The following NXPE2 variants were observed in gnomAD, a reference collection of about 807,000 sequenced individuals.
NXPE2 encodes the protein neurexophilin and PC-esterase domain family member 2.
In NXPE2, 34 loss-of-function variants were observed where a neutral mutation model predicts 34.4. The ratio of observed to expected loss-of-function variants is 0.99; its 90% CI spans 0.75 to 1.31. The LOEUF (loss-of-function observed/expected upper bound fraction) is 1.31, where lower values mean the gene tolerates loss of function less well. Ranked by LOEUF, NXPE2 falls within the 40% of genes most tolerant of loss-of-function variation. NXPE2 has a pLI of 0.00. For missense variants in NXPE2, 649 were observed against 672.5 expected (o/e 0.97, Z 0.39); for synonymous variants, 235 against 231.3 (o/e 1.02, Z -0.15).
the NXPE2 span, among the ~76,000 whole-genome samples, chr11:114,811,520 A>T: frequency 1.3e-5 from 2 of 152,120 alleles, no homozygotes; most frequent in African/African-American, 4.8e-5. Flanking sequence ...TGGTGAGAAA[A>T]ATCCAAGCAT....
the NXPE2 span, among the ~76,000 whole-genome samples, chr11:114,799,885 CTTTTCTCTTTCTCT>C: frequency 2.6e-5 from 4 of 151,970 alleles, no homozygotes; most frequent in African/African-American, 9.7e-5. Context: ...CCCTTTCTTC[CTTTTCTCTTTCTCT>C]TTATCCTTCC....
At chr11:114,547,248 T>G in the NXPE2 span, among the ~76,000 whole-genome samples, 2 of 152,308 alleles carry the variant, frequency 1.3e-5, no homozygotes, top group South Asian at 4.1e-4. Flanking sequence ...CATGCATCCT[T>G]GATGTGATGT....
chr11:114,519,172 T>C, the NXPE2 span, among the ~76,000 whole-genome samples: 1 of 152,162 alleles, frequency 6.6e-6, no homozygotes, highest in Non-Finnish European at 1.5e-5. Flanking sequence ...TGGATAACCA[T>C]TTTTCAAATT....
the NXPE2 span, among the ~76,000 whole-genome samples, chr11:114,487,807 C>G: frequency 6.7e-6 from 1 of 148,820 alleles, no homozygotes; most frequent in South Asian, 2.1e-4. Flanking sequence ...TGATATATCA[C>G]ATTGATTTGC....
chr11:114,737,263 T>C, the NXPE2 span, among the ~76,000 whole-genome samples: 1 of 152,182 alleles, frequency 6.6e-6, no homozygotes, highest in African/African-American at 2.4e-5. Context: ...ATCCCATTTC[T>C]ACTGACATCT....
the NXPE2 span, among the ~76,000 whole-genome samples, chr11:114,607,050 G>A: frequency 6.6e-6 from 1 of 151,958 alleles, no homozygotes; most frequent in African/African-American, 2.4e-5. Flanking sequence ...AATAAGTATT[G>A]CCTCGTGGGT....
At chr11:114,468,684 G>A in the NXPE2 span, among the ~76,000 whole-genome samples, 3 of 152,162 alleles carry the variant, frequency 2.0e-5, no homozygotes, top group African/African-American at 7.2e-5. Flanking sequence ...GCACAGGTTA[G>A]TCCCCACAAC....
chr11:114,719,823 C>G, the NXPE2 span, among the ~76,000 whole-genome samples: 2 of 152,080 alleles, frequency 1.3e-5, no homozygotes, highest in Non-Finnish European at 2.9e-5. Flanking sequence ...GGCTAGTGTA[C>G]AGGGCCCCTG....
chr11:114,712,268 A>G, the NXPE2 span, among the ~76,000 whole-genome samples: 1 of 152,168 alleles, frequency 6.6e-6, no homozygotes, highest in Non-Finnish European at 1.5e-5. Context: ...CAAGGCAACA[A>G]AATAAAAAAA....
chr11:114,770,331 C>G, the NXPE2 span, among the ~76,000 whole-genome samples: 2 of 152,228 alleles, frequency 1.3e-5, no homozygotes, highest in Admixed American at 1.3e-4. Flanking sequence ...CCATCTACCT[C>G]TTGCTGCACT....
the NXPE2 span, among the ~76,000 whole-genome samples, chr11:114,723,474 G>A: frequency 6.6e-6 from 1 of 152,150 alleles, no homozygotes; most frequent in Non-Finnish European, 1.5e-5. Flanking sequence ...GCGAAAAACT[G>A]AAGGTTAAGT....
chr11:114,493,383 C>G, the NXPE2 span, among the ~76,000 whole-genome samples: 1 of 152,122 alleles, frequency 6.6e-6, no homozygotes, highest in African/African-American at 2.4e-5. Context: ...ACTTTCTGGT[C>G]TTCTCTTCCT....
the NXPE2 span, among the ~76,000 whole-genome samples, chr11:114,601,653 A>G: frequency 1.4e-5 from 1 of 69,984 alleles, no homozygotes; most frequent in Non-Finnish European, 2.4e-5. Context: ...ATAATTATAT[A>G]TTATAAATAA....
intron 2 of NXPE2, among the ~76,000 whole-genome samples, chr11:114,686,339 G>T (rs1294675687): frequency 6.6e-6 from 1 of 151,958 alleles, no homozygotes; most frequent in East Asian, 1.9e-4. Context: ...CCAACGTTTA[G>T]CTCTCACTTA....
chr11:114,501,595 T>C, the NXPE2 span, among the ~76,000 whole-genome samples: 2 of 152,318 alleles, frequency 1.3e-5, no homozygotes, highest in African/African-American at 4.8e-5. Flanking sequence ...TGTTCAAATA[T>C]AGTGACTTAA....
At chr11:114,753,395 A>C in the NXPE2 span, among the ~76,000 whole-genome samples, 4 of 74,678 alleles carry the variant, frequency 5.4e-5, no homozygotes, top group Non-Finnish European at 1.4e-4. Flanking sequence ...CCTGTCTTAG[A>C]AAAAAAAATG....
intron 2 of NXPE2, among the ~76,000 whole-genome samples, chr11:114,689,504 C>CAT (rs1951111005): frequency 6.6e-6 from 1 of 151,952 alleles, no homozygotes; most frequent in African/African-American, 2.4e-5. Flanking sequence ...TATAACCAAG[C>CAT]ATGGGGTCAA....
chr11:114,750,995 G>A, the NXPE2 span, among the ~76,000 whole-genome samples: 3 of 151,956 alleles, frequency 2.0e-5, no homozygotes, highest in African/African-American at 7.3e-5. Context: ...GGTGGGGGGT[G>A]TGGAGTGAAG....
At chr11:114,578,963 A>T in the NXPE2 span, among the ~76,000 whole-genome samples, 1 of 152,182 alleles carries the variant, frequency 6.6e-6, no homozygotes, top group Non-Finnish European at 1.5e-5. Flanking sequence ...ACTTCATTTA[A>T]TCTTCTATAC....
Sources: allele counts gnomAD v4.1 joint callset (sites outside exome capture counted in the v4.1 genomes callset), GRCh38; gene constraint gnomAD v4.1.1; transcripts MANE v1.5; gene names NCBI Gene and HGNC (gene_info 2026-07-23, HGNC 2026-07-21).